The following SMIM10L3 variants were observed in gnomAD, a reference collection of about 807,000 sequenced individuals.
SMIM10L3 encodes small integral membrane protein 10 like 3.
chr7:6,347,779 G>A, the SMIM10L3 span, among the ~76,000 whole-genome samples: 1 of 151,840 alleles, frequency 6.6e-6, no homozygotes, highest in Non-Finnish European at 1.5e-5. Flanking sequence ...ATGCAGGCCA[G>A]ATGTGGTGGC....
chr7:6,340,225 C>G, the SMIM10L3 span, among the ~76,000 whole-genome samples: 1 of 152,094 alleles, frequency 6.6e-6, no homozygotes, highest in East Asian at 1.9e-4. Flanking sequence ...TGAGAAGCAG[C>G]CAGAATCTTC....
At chr7:6,344,181 T>C in the SMIM10L3 span, among the ~76,000 whole-genome samples, 3 of 151,126 alleles carry the variant, frequency 2.0e-5, no homozygotes, top group East Asian at 3.9e-4. Context: ...GCTGTCCCCC[T>C]TATTCCTTCA....
At chr7:6,342,670 C>T in the SMIM10L3 span, among the ~76,000 whole-genome samples, 1 of 152,126 alleles carries the variant, frequency 6.6e-6, no homozygotes, top group Non-Finnish European at 1.5e-5. Flanking sequence ...TTCGTAGTAA[C>T]ATTATTCACA....
chr7:6,337,221 G>A, the SMIM10L3 span, among the ~76,000 whole-genome samples: 6 of 152,088 alleles, frequency 3.9e-5, no homozygotes, highest in Non-Finnish European at 8.8e-5. Context: ...ACAGGTGTAT[G>A]CCACCATGGC....
At chr7:6,347,878 AC>A in the SMIM10L3 span, among the ~76,000 whole-genome samples, 2 of 113,688 alleles carry the variant, frequency 1.8e-5, no homozygotes, top group African/African-American at 3.3e-5. Flanking sequence ...ACATAACGAG[AC>A]CCCTTTATTA....
chr7:6,337,407 C>T, the SMIM10L3 span, among the ~76,000 whole-genome samples: 1 of 152,190 alleles, frequency 6.6e-6, no homozygotes, highest in East Asian at 1.9e-4. Context: ...CAGGCGTGAG[C>T]CACTGCGCCC....
At chr7:6,347,003 T>A in the SMIM10L3 span, among the ~76,000 whole-genome samples, 2 of 152,132 alleles carry the variant, frequency 1.3e-5, no homozygotes, top group Non-Finnish European at 2.9e-5. Context: ...GAAAGAATTC[T>A]CGAGTTGACA....
chr7:6,348,068 G>C, the SMIM10L3 span, among the ~76,000 whole-genome samples: 2 of 151,530 alleles, frequency 1.3e-5, no homozygotes, highest in Admixed American at 6.6e-5. Context: ...GCGCCACCAC[G>C]CCCGGCTAAT....
the SMIM10L3 span, among the ~76,000 whole-genome samples, chr7:6,334,036 T>C: frequency 0.11 from 16,582 of 150,714 alleles, 1,133 homozygotes; most frequent in Admixed American, 0.23. Flanking sequence ...TTAGTAGAGA[T>C]GGGGTTTCAC....
the SMIM10L3 span, among the ~76,000 whole-genome samples, chr7:6,342,424 A>G: frequency 3.9e-5 from 6 of 152,028 alleles, no homozygotes; most frequent in East Asian, 1.2e-3. Context: ...AGGCACCTGT[A>G]ATCCCAGCTA....
At chr7:6,330,703 C>G in the SMIM10L3 span, 1 of 1,614,068 alleles carries the variant, frequency 6.2e-7, no homozygotes, top group Non-Finnish European at 8.5e-7. Context: ...TCGTGACACC[C>G]GAGGCTCTCC....
At chr7:6,334,100 C>A in the SMIM10L3 span, among the ~76,000 whole-genome samples, 1 of 151,352 alleles carries the variant, frequency 6.6e-6, no homozygotes, top group African/African-American at 2.4e-5. Flanking sequence ...CCCACCTTGG[C>A]CTCCCAAAGT....
the SMIM10L3 span, among the ~76,000 whole-genome samples, chr7:6,340,831 G>A: frequency 2.7e-5 from 4 of 148,858 alleles, no homozygotes; most frequent in African/African-American, 5.0e-5. Context: ...CCCGGGAGGC[G>A]GAGCTGGCAG....
chr7:6,342,688 A>AAAAGTG, the SMIM10L3 span, among the ~76,000 whole-genome samples: 1 of 152,186 alleles, frequency 6.6e-6, no homozygotes, highest in Non-Finnish European at 1.5e-5. Context: ...ACAATAGCCA[A>AAAAGTG]AAAGTGAAAG....
At chr7:6,347,853 A>G in the SMIM10L3 span, among the ~76,000 whole-genome samples, 1 of 149,994 alleles carries the variant, frequency 6.7e-6, no homozygotes, top group Non-Finnish European at 1.5e-5. Flanking sequence ...CAGGAGTTCG[A>G]GACCAGCCTG....
At chr7:6,348,555 C>A in the SMIM10L3 span, 2 of 432,352 alleles carry the variant, frequency 4.6e-6, no homozygotes, top group African/African-American at 4.1e-5. Flanking sequence ...GGGGGCCGGG[C>A]AGGCACGGCT....
At chr7:6,340,447 G>C in the SMIM10L3 span, among the ~76,000 whole-genome samples, 1 of 152,226 alleles carries the variant, frequency 6.6e-6, no homozygotes, top group African/African-American at 2.4e-5. Context: ...TCAGTAGAAG[G>C]GCAGAGGCCG....
At chr7:6,334,804 C>CTT in the SMIM10L3 span, among the ~76,000 whole-genome samples, 65,296 of 151,120 alleles carry the variant, frequency 0.43, 14,281 homozygotes, top group African/African-American at 0.51. Context: ...GAGTTTCACT[C>CTT]GTTACCCAGG....
At chr7:6,346,960 A>G in the SMIM10L3 span, among the ~76,000 whole-genome samples, 1 of 152,154 alleles carries the variant, frequency 6.6e-6, no homozygotes, top group Non-Finnish European at 1.5e-5. Flanking sequence ...ATGGAATGCA[A>G]GAGGGGCTCA....
Sources: gnomAD v4.1 joint callset for allele counts (sites outside exome capture counted in the v4.1 genomes callset) on GRCh38, gnomAD v4.1.1 for gene constraint, MANE v1.5 for transcripts, NCBI Gene and HGNC (gene_info 2026-07-23, HGNC 2026-07-21) for gene names.